The following RFX7 variants were observed in gnomAD, a reference collection of about 807,000 sequenced individuals.
The protein encoded by RFX7 is regulatory factor X7.
In RFX7, 26 loss-of-function variants were observed where a neutral mutation model predicts 111.8. The observed-to-expected ratio is 0.23, with a 90% CI of 0.17 to 0.32. The LOEUF (loss-of-function observed/expected upper bound fraction) is 0.32, where lower values mean the gene tolerates loss of function less well. Among genes scored for constraint, RFX7 ranks in the 10% least tolerant of loss-of-function variants. The probability of loss-of-function intolerance (pLI) is 1.00; values close to 1 mark genes in which losing one functional copy is unlikely to be tolerated. For synonymous variants in RFX7, 624 were observed against 624.4 expected (o/e 1.00, Z 0.01); for missense variants, 1,573 against 1,772.9 (o/e 0.89, Z 2.02).
At chr15:56,223,480 C>A (rs776463893) in intron 2 of RFX7, among the ~76,000 whole-genome samples, 1 of 152,126 alleles carries the variant, frequency 6.6e-6, no homozygotes, top group Non-Finnish European at 1.5e-5. Context: ...CTATCTAATG[C>A]CAAATAAAAC....
intron 3 of RFX7, among the ~76,000 whole-genome samples, chr15:56,150,520 G>C (rs2042555162): frequency 6.6e-6 from 1 of 152,004 alleles, no homozygotes; most frequent in African/African-American, 2.4e-5. Flanking sequence ...AGACAAACAG[G>C]GTCGGGAGTT....
In RFX7 at chr15:56,190,357, G is replaced by A. The variant is rs545405428; in HGVS notation, c.162-11054C>T. Among the ~76,000 whole-genome samples, 5 of 152,262 alleles carry A rather than the reference G, an allele frequency of 3.3e-5. No homozygotes were observed. The South Asian group carries it at 1.0e-3, about 32-fold the overall frequency. ...TGTACCCTTGGGTATGATTGCTTAGGCTGAAGGAAATATCACTTCTCAAGG... is the reference window on the plus strand; with the variant it reads ...TGTACCCTTGGGTATGATTGCTTAGACTGAAGGAAATATCACTTCTCAAGG... On this transcript the variant is annotated intron_variant, in intron 2 of 9. Transcript: ENST00000559447.
intron 2 of RFX7, among the ~76,000 whole-genome samples, chr15:56,217,791 G>A (rs545386289): frequency 9.9e-5 from 15 of 152,092 alleles, no homozygotes; most frequent in Non-Finnish European, 1.9e-4. Context: ...AACATATTCA[G>A]GCATAAATGC....
Position 56,221,452 on chromosome 15 carries a change from T to C in RFX7, c.161+21673A>G, listed in dbSNP as rs149267518. On this transcript the variant is annotated intron_variant, in intron 2 of 9. Coordinates refer to ENST00000559447, the MANE Select transcript of RFX7 (RefSeq NM_022841.7). Reference sequence around the variant, plus strand: ...TCCAAATCTTTATATTTAAATATAATATACACTTTAAAGTATATCTCTTGT... The same window carrying C: ...TCCAAATCTTTATATTTAAATATAACATACACTTTAAAGTATATCTCTTGT... Among the ~76,000 whole-genome samples the C allele has an allele frequency of 5.0e-3, 758 of 152,278 alleles. 9 individuals are homozygous for C. The highest frequency in any genetic ancestry group is 0.032 in the East Asian group (164 of 5,190).
In RFX7 at chr15:56,211,677, A is replaced by G. The variant is rs897655604; in HGVS notation, c.161+31448T>C. Among the ~76,000 whole-genome samples the G allele has an allele frequency of 2.0e-5, 3 of 152,132 alleles. No homozygotes were observed. In the East Asian group the frequency reaches 5.8e-4, roughly 29 times the overall value. On this transcript the variant is annotated intron_variant, in intron 2 of 9. Coordinates refer to ENST00000559447, the MANE Select transcript of RFX7 (RefSeq NM_022841.7). ...CAGATAAAAGACTTACCCAAAATAC[A>G]GAAAGATTCTTATAATCAACCCCAT...
chr15:56,130,732 T>TA (rs2042200891), intron 5 of RFX7, among the ~76,000 whole-genome samples: 1 of 151,340 alleles, frequency 6.6e-6, no homozygotes, highest in South Asian at 2.1e-4. Flanking sequence ...TTTACTTGTC[T>TA]AAAAAAGAAA....
chr15:56,155,369 G>A (rs2042638405), intron 3 of RFX7, among the ~76,000 whole-genome samples: 1 of 152,136 alleles, frequency 6.6e-6, no homozygotes. Context: ...CAACCCAAAT[G>A]TCTATCAATG....
chr15:56,187,412 T>C (rs2043053272), intron 2 of RFX7, among the ~76,000 whole-genome samples: 1 of 152,010 alleles, frequency 6.6e-6, no homozygotes, highest in South Asian at 2.1e-4. Context: ...GGTTTCACTG[T>C]GTTGCCCAGG....
At chr15:56,104,804 TAAAA>T (rs1456724825) in intron 5 of RFX7, among the ~76,000 whole-genome samples, 2 of 152,028 alleles carry the variant, frequency 1.3e-5, no homozygotes, top group Non-Finnish European at 2.9e-5. Context: ...CCCCTGGGGT[TAAAA>T]GATGGGAAGG....
At chr15:56,140,315 G>A (rs1035681193) in intron 5 of RFX7, among the ~76,000 whole-genome samples, 43 of 152,114 alleles carry the variant, frequency 2.8e-4, no homozygotes, top group Admixed American at 6.5e-5. Flanking sequence ...ATATAATCTC[G>A]TGGTGCGCCG....
intron 3 of RFX7, among the ~76,000 whole-genome samples, chr15:56,152,157 T>C (rs1486059516): frequency 6.6e-6 from 1 of 152,010 alleles, no homozygotes; most frequent in Non-Finnish European, 1.5e-5. Flanking sequence ...GATAGAAAAT[T>C]AACAAGGATA....
At chr15:56,125,219 T>G (rs1478198301) in intron 5 of RFX7, among the ~76,000 whole-genome samples, 1 of 152,230 alleles carries the variant, frequency 6.6e-6, no homozygotes, top group Non-Finnish European at 1.5e-5. Context: ...ATATGTGTGC[T>G]TTTATGCCAG....
chr15:56,178,208 CACAA>C (rs1368007394), intron 3 of RFX7, among the ~76,000 whole-genome samples: 12 of 116,004 alleles, frequency 1.0e-4, no homozygotes, highest in Non-Finnish European at 1.5e-4. Context: ...CACACACACA[CACAA>C]CAAAAAGAAG....
At chr15:56,223,378 G>C (rs2043446652) in intron 2 of RFX7, among the ~76,000 whole-genome samples, 1 of 152,034 alleles carries the variant, frequency 6.6e-6, no homozygotes, top group African/African-American at 2.4e-5. Context: ...GTCTCTATTT[G>C]GGCATTATTT....
intron 2 of RFX7, among the ~76,000 whole-genome samples, chr15:56,217,266 T>A (rs2043372133): frequency 6.6e-6 from 1 of 152,210 alleles, no homozygotes; most frequent in Non-Finnish European, 1.5e-5. Flanking sequence ...AACAATTTCA[T>A]TATGCCATCT....
intron 5 of RFX7, among the ~76,000 whole-genome samples, chr15:56,115,254 T>A (rs575794031): frequency 1.3e-5 from 2 of 152,268 alleles, no homozygotes; most frequent in East Asian, 3.9e-4. Context: ...TCAGGTGATC[T>A]GCCTGCCTCG....
intron 5 of RFX7, among the ~76,000 whole-genome samples, chr15:56,109,305 C>T (rs1595930332): frequency 6.6e-6 from 1 of 152,368 alleles, no homozygotes; most frequent in African/African-American, 2.4e-5. Context: ...GCCTCGGCCT[C>T]CCGAGGTGCC....
chr15:56,113,057 A>G (rs2041960970), intron 5 of RFX7, among the ~76,000 whole-genome samples: 1 of 152,236 alleles, frequency 6.6e-6, no homozygotes, highest in African/African-American at 2.4e-5. Context: ...GTTGGTGGGA[A>G]TGTAAATTAG....
At chr15:56,214,987 T>G (rs995044470) in intron 2 of RFX7, among the ~76,000 whole-genome samples, 1 of 152,174 alleles carries the variant, frequency 6.6e-6, no homozygotes, top group South Asian at 2.1e-4. Flanking sequence ...CATTTCTTGT[T>G]TCTAATTTTA....
Sources: allele counts gnomAD v4.1 joint callset (sites outside exome capture counted in the v4.1 genomes callset), GRCh38; gene constraint gnomAD v4.1.1; transcripts MANE v1.5; gene names NCBI Gene and HGNC (gene_info 2026-07-23, HGNC 2026-07-21).